Variants in EPC2 observed in about 807,000 individuals in gnomAD.
EPC2 encodes the protein enhancer of polycomb 2.
EPC2 carries 14 observed loss-of-function variants against 92.1 expected under a neutral mutation model. That is an observed-to-expected ratio of 0.15 (90% confidence interval 0.10 to 0.24). EPC2 has a LOEUF of 0.24. Ranked by LOEUF, EPC2 falls within the 10% of genes least tolerant of loss-of-function variation. The pLI is 1.00. For missense variants in EPC2, 755 were observed against 971.5 expected, an observed-to-expected ratio of 0.78 and a Z score of 2.96; for synonymous variants, 340 against 334.7, an observed-to-expected ratio of 1.02 and a Z score of -0.17.
At chr2:148,667,037 T>C (rs557782729) in intron 1 of EPC2, among the ~76,000 whole-genome samples, 1 of 152,304 alleles carries the variant, frequency 6.6e-6, no homozygotes, top group African/African-American at 2.4e-5. Flanking sequence ...GTTAAATCTG[T>C]CACAGATTCT....
chr2:148,761,012 T>C (rs1327185192), intron 4 of EPC2, among the ~76,000 whole-genome samples: 1 of 152,210 alleles, frequency 6.6e-6, no homozygotes, highest in Non-Finnish European at 1.5e-5. Flanking sequence ...GTGAGGAATC[T>C]GTGGATGTTT....
intron 1 of EPC2, among the ~76,000 whole-genome samples, chr2:148,661,123 G>T (rs1680924097): frequency 6.6e-6 from 1 of 151,872 alleles, no homozygotes; most frequent in Admixed American, 6.6e-5. Context: ...AGTTTTACTG[G>T]GATTCACCAT....
At chr2:148,718,670 T>G (rs1454660355) in intron 2 of EPC2, among the ~76,000 whole-genome samples, 2 of 152,156 alleles carry the variant, frequency 1.3e-5, no homozygotes, top group Admixed American at 1.3e-4. Flanking sequence ...GCTCTGAGCA[T>G]TTTTTCTTTC....
chr2:148,712,734 A>G (rs1431941965), intron 2 of EPC2, among the ~76,000 whole-genome samples: 1 of 150,848 alleles, frequency 6.6e-6, no homozygotes, highest in Non-Finnish European at 1.5e-5. Flanking sequence ...AATGAAAACA[A>G]TAGCCAGGTG....
In EPC2 at chr2:148,787,116, T is replaced by C. The variant is rs1317170515; in HGVS notation, c.*739T>C. 1 of 152,634 alleles carries C rather than the reference T, an allele frequency of 6.6e-6. No individual in the cohort carries two copies. The highest frequency in any genetic ancestry group is 2.1e-4 in the South Asian group (1 of 4,834). 9.5% of individuals were successfully genotyped at this position (152,634 alleles called of 1,614,324 possible). A position where few individuals can be genotyped will look rare whatever the true frequency, so the allele number is the denominator to read the frequency against. ...TAGGAAAAATTATGCATCTAGCACA[T>C]TTAAACTGTGCAAATATGAAAATTT... On this transcript the variant is annotated 3_prime_UTR_variant, in exon 14 of 14. Coordinates refer to ENST00000258484, the MANE Select transcript of EPC2 (RefSeq NM_015630.4).
intron 1 of EPC2, among the ~76,000 whole-genome samples, chr2:148,689,003 T>A (rs1681587722): frequency 6.6e-6 from 1 of 152,000 alleles, no homozygotes. Context: ...TCTTTTAGAT[T>A]AGAAAAAAAA....
At chr2:148,774,067 T>C (rs1363713734) in intron 10 of EPC2, among the ~76,000 whole-genome samples, 2 of 152,174 alleles carry the variant, frequency 1.3e-5, no homozygotes, top group Non-Finnish European at 2.9e-5. Flanking sequence ...TACTTTTCCC[T>C]AGCAGAGAAT....
intron 10 of EPC2, among the ~76,000 whole-genome samples, chr2:148,778,391 C>G (rs139234035): frequency 2.1e-4 from 32 of 152,262 alleles, no homozygotes; most frequent in Non-Finnish European, 3.5e-4. Context: ...ATAACTATTA[C>G]CTCTTCCCGA....
At chr2:148,774,424 C>T (rs1304693686) in intron 10 of EPC2, among the ~76,000 whole-genome samples, 6 of 150,288 alleles carry the variant, frequency 4.0e-5, no homozygotes, top group East Asian at 2.0e-4. Context: ...GCCAGGAGTT[C>T]GAGACCAGCC....
chr2:148,761,997 A>G, intron 5 of EPC2, 67 bp downstream of exon 5: 1 of 1,352,634 alleles, frequency 7.4e-7, no homozygotes, highest in Non-Finnish European at 1.0e-6. Flanking sequence ...ATGAACCAAA[A>G]GATTTTTAGG....
In EPC2 at chr2:148,786,464, C is replaced by CA; in HGVS notation, c.*88dup. 9.8e-7 allele frequency: 1 copy of CA among 1,023,072 alleles called. No homozygotes were observed. Among genetic ancestry groups the CA allele is most frequent in the Admixed American group, 2.1e-5 (1 of 48,754 alleles). The allele number at this position is 1,023,072 out of a possible 1,614,324, so 63.4% of individuals were successfully genotyped here. A position where few individuals can be genotyped will look rare whatever the true frequency, so the allele number is the denominator to read the frequency against. On this transcript the variant is annotated 3_prime_UTR_variant, in exon 14 of 14. Coordinates refer to ENST00000258484, the MANE Select transcript of EPC2 (RefSeq NM_015630.4). Reference sequence around the variant, plus strand: ...GCAAAAGGCAACACTCTGTGGATCACAGAGTGTAACAATGGACCTAAATGG... The same window carrying CA: ...GCAAAAGGCAACACTCTGTGGATCACAAGAGTGTAACAATGGACCTAAATGG...
In EPC2 at chr2:148,780,463, A is replaced by T. The variant is rs77954326; in HGVS notation, c.1721-1181A>T. Among the ~76,000 whole-genome samples the T allele has an allele frequency of 3.0e-3, 458 of 152,216 alleles. 2 individuals are homozygous for T. Among genetic ancestry groups the T allele is most frequent in the African/African-American group, 9.3e-3 (385 of 41,552 alleles). On this transcript the variant is annotated intron_variant, in intron 10 of 13. Coordinates refer to ENST00000258484, the MANE Select transcript of EPC2 (RefSeq NM_015630.4). ...TCCTATTCAACAGAAAACTTGGGAG[A>T]GTTAAGTAAGGTAGATTGAGGCTAT...
At chr2:148,693,308 A>G (rs532336512) in intron 2 of EPC2, among the ~76,000 whole-genome samples, 1 of 152,124 alleles carries the variant, frequency 6.6e-6, no homozygotes, top group Admixed American at 6.5e-5. Context: ...GGCCTTGTTC[A>G]GGTTCATCAC....
At chr2:148,758,983 C>CATAATCACTGATCTTA (rs1683246638) in intron 4 of EPC2, among the ~76,000 whole-genome samples, 1 of 152,042 alleles carries the variant, frequency 6.6e-6, no homozygotes, top group Admixed American at 6.5e-5. Context: ...CTGAAAGATA[C>CATAATCACTGATCTTA]AGAAAACAAT....
chr2:148,731,092 T>C (rs2105397788), intron 2 of EPC2, among the ~76,000 whole-genome samples: 3 of 152,352 alleles, frequency 2.0e-5, no homozygotes, highest in African/African-American at 7.2e-5. Context: ...CTCTTTGCCA[T>C]TTAGTATTAG....
intron 2 of EPC2, among the ~76,000 whole-genome samples, chr2:148,703,500 A>G (rs1418382835): frequency 6.6e-6 from 1 of 151,992 alleles, no homozygotes; most frequent in Admixed American, 6.6e-5. Flanking sequence ...TTTGGGAGTG[A>G]GGCCTGAAAA....
At chr2:148,650,384 C>T (rs1163247420) in intron 1 of EPC2, among the ~76,000 whole-genome samples, 6 of 152,026 alleles carry the variant, frequency 3.9e-5, no homozygotes, top group African/African-American at 1.2e-4. Context: ...AATATTATAT[C>T]CTCTTTTCCT....
At chr2:148,760,746 C>T (rs1440520332) in intron 4 of EPC2, among the ~76,000 whole-genome samples, 1 of 152,036 alleles carries the variant, frequency 6.6e-6, no homozygotes, top group Non-Finnish European at 1.5e-5. Flanking sequence ...TAATATATGA[C>T]TATTATTTTT....
In EPC2 at chr2:148,760,663, A is replaced by G. The variant is rs555686070; in HGVS notation, c.667-1119A>G. 2.3e-4 allele frequency among the ~76,000 whole-genome samples: 35 copies of G among 152,350 alleles called. No homozygotes were observed. In the South Asian group the frequency reaches 3.3e-3, roughly 14 times the overall value. ...AGAAGAAAAAGATGAATTTTTTAAA[A>G]TTACACAAAAGGATGACTTATTTTT... is the stretch of plus-strand genomic sequence containing the variant. On this transcript the variant is annotated intron_variant, in intron 4 of 13. Coordinates refer to ENST00000258484, the MANE Select transcript of EPC2 (RefSeq NM_015630.4).
Sources: allele counts gnomAD v4.1 joint callset (sites outside exome capture counted in the v4.1 genomes callset), GRCh38; gene constraint gnomAD v4.1.1; transcripts MANE v1.5; gene names NCBI Gene and HGNC (gene_info 2026-07-23, HGNC 2026-07-21).